The following RHOT1 variants were observed in gnomAD, a reference collection of about 807,000 sequenced individuals.
RHOT1 encodes the protein ras homolog family member T1.
A neutral mutation model predicts 95.3 loss-of-function variants in RHOT1; 27 were observed. The observed-to-expected ratio is 0.28, with a 90% confidence interval of 0.21 to 0.39. The LOEUF (loss-of-function observed/expected upper bound fraction) is 0.39. Among genes scored for constraint, RHOT1 ranks in the 10% least tolerant of loss-of-function variants. The probability of loss-of-function intolerance (pLI) is 1.00; values close to 1 mark genes in which losing one functional copy is unlikely to be tolerated. For missense variants in RHOT1, 578 were observed against 786.7 expected (o/e 0.73, Z 3.17); for synonymous variants, 227 against 263.5 (o/e 0.86, Z 1.34).
chr17:32,147,324 CATGCACCACT>C (rs1447268067), intron 1 of RHOT1, among the ~76,000 whole-genome samples: 1 of 152,076 alleles, frequency 6.6e-6, no homozygotes, highest in African/African-American at 2.4e-5. Context: ...GGATCACAGT[CATGCACCACT>C]ATGCCTGGCC....
chr17:32,200,846 A>G (rs2037262080), intron 13 of RHOT1, 110 bp from the exon 14 acceptor site: 5 of 698,254 alleles, frequency 7.2e-6, no homozygotes, highest in East Asian at 2.7e-5. Context: ...AGTAGTCTAG[A>G]CAAAAATTAT....
At chr17:32,156,287 C>T (rs1279110686) in intron 1 of RHOT1, among the ~76,000 whole-genome samples, 2 of 152,210 alleles carry the variant, frequency 1.3e-5, no homozygotes, top group Admixed American at 6.5e-5. Context: ...GACAGGGTCT[C>T]GCTGTGTCAC....
At chr17:32,164,281 T>G (rs1437597667) in intron 1 of RHOT1, among the ~76,000 whole-genome samples, 2 of 151,994 alleles carry the variant, frequency 1.3e-5, no homozygotes, top group Admixed American at 6.5e-5. Context: ...GTCGCCAGGC[T>G]GGAGTGCAGT....
intron 19 of RHOT1, among the ~76,000 whole-genome samples, chr17:32,217,679 C>T (rs756855230): frequency 2.7e-5 from 4 of 149,992 alleles, no homozygotes; most frequent in Admixed American, 6.6e-5. Context: ...TGCTTGAACC[C>T]GGGAGGCGGA....
At chr17:32,160,337 T>C (rs1598310660) in intron 1 of RHOT1, 2 of 152,304 alleles carry the variant, frequency 1.3e-5, no homozygotes, top group East Asian at 3.9e-4. Flanking sequence ...TCTGAGCTGT[T>C]GTGTCGCTCA....
Position 32,173,797 on chromosome 17 carries a change from GT to G in RHOT1, c.97-23del, listed in dbSNP as rs532691377. 7,987 of 1,053,530 alleles carry G rather than the reference GT, an allele frequency of 7.6e-3. 4 individuals carry two copies. The highest frequency in any genetic ancestry group is 9.9e-3 in the East Asian group (325 of 32,698). 65.3% of individuals were successfully genotyped at this position (1,053,530 alleles called of 1,614,324 possible). ...AGTTTGAGTGATAATATTCAAAGGT[GT>G]TTTTTTTTTTCTATATTTGTTTGTA... is the stretch of plus-strand genomic sequence containing the variant. On this transcript the variant is annotated intron_variant, in intron 2 of 19. Coordinates refer to ENST00000545287, the MANE Select transcript of RHOT1 (RefSeq NM_001033566.3).
rs190733860 is a variant in RHOT1, at chr17:32,147,664, A to G, written c.37+4935A>G. ...GTGAAACCCTGTCCCTACTAAACAT[A>G]CAAAATTTAGCTGGGCATGGTGGCG... is the stretch of plus-strand genomic sequence containing the variant. On this transcript the variant is annotated intron_variant, in intron 1 of 19. Coordinates refer to ENST00000545287, the MANE Select transcript of RHOT1 (RefSeq NM_001033566.3). 4.6e-5 allele frequency among the ~76,000 whole-genome samples: 7 copies of G among 151,988 alleles called. No homozygotes were observed. In the South Asian group the frequency reaches 8.3e-4, roughly 18 times the overall value.
intron 1 of RHOT1, among the ~76,000 whole-genome samples, chr17:32,145,608 A>G (rs1036723898): frequency 1.3e-5 from 2 of 152,056 alleles, no homozygotes; most frequent in Admixed American, 1.3e-4. Flanking sequence ...AGGCAGATTC[A>G]TTTTTATTTT....
At position 32,215,803 on chromosome 17, in the gene RHOT1, T is replaced by A. The variant is rs182979113; in HGVS notation, c.1862+4565T>A. ...TGATGTGTGAGAGTAGTGTTAAACA[T>A]ACATCTATCTCACATGTAATCTTTC... On this transcript the variant is annotated intron_variant, in intron 19 of 19. Transcript: ENST00000545287. Among the ~76,000 whole-genome samples, 3 of 152,328 alleles carry A rather than the reference T, an allele frequency of 2.0e-5. No individual in the cohort carries two copies. In the East Asian group the frequency reaches 5.8e-4, roughly 29 times the overall value.
chr17:32,166,583 T>C (rs2034107836), intron 1 of RHOT1, among the ~76,000 whole-genome samples: 1 of 152,260 alleles, frequency 6.6e-6, no homozygotes, highest in Non-Finnish European at 1.5e-5. Flanking sequence ...ACTGCTGCTT[T>C]ATCAACTAAG....
At chr17:32,176,308 C>T in intron 6 of RHOT1, 95 bp downstream of exon 6, 1 of 971,328 alleles carries the variant, frequency 1.0e-6, no homozygotes, top group Non-Finnish European at 1.6e-6. Context: ...CTAAATCCTT[C>T]ACTTAAATTT....
chr17:32,162,386 C>T (rs571889989), intron 1 of RHOT1, among the ~76,000 whole-genome samples: 2 of 152,312 alleles, frequency 1.3e-5, no homozygotes, highest in South Asian at 4.1e-4. Flanking sequence ...ATATCATTCC[C>T]TCCTTTATAT....
At chr17:32,168,909 A>G (rs941365754) in intron 1 of RHOT1, among the ~76,000 whole-genome samples, 13 of 152,266 alleles carry the variant, frequency 8.5e-5, no homozygotes, top group Admixed American at 5.9e-4. Context: ...ATTGTTAACT[A>G]GATTCTAGCA....
intron 1 of RHOT1, among the ~76,000 whole-genome samples, chr17:32,147,873 C>T (rs2031618031): frequency 6.6e-6 from 1 of 151,584 alleles, no homozygotes; most frequent in Non-Finnish European, 1.5e-5. Context: ...GTGTTTACTA[C>T]CTGGGTAATA....
intron 6 of RHOT1, among the ~76,000 whole-genome samples, chr17:32,178,234 G>A (rs1351633715): frequency 7.8e-6 from 1 of 128,228 alleles, no homozygotes; most frequent in Admixed American, 1.0e-4. Context: ...CTCTCTTGCC[G>A]AGTCTGGACT....
chr17:32,150,222 A>G (rs2032117303), intron 1 of RHOT1, among the ~76,000 whole-genome samples: 1 of 152,202 alleles, frequency 6.6e-6, no homozygotes. Flanking sequence ...CTGATCCTTT[A>G]TTAAAGTAGC....
intron 8 of RHOT1, among the ~76,000 whole-genome samples, chr17:32,186,865 T>G (rs1360037915): frequency 6.6e-6 from 1 of 152,142 alleles, no homozygotes. Context: ...TCTCGCTGAG[T>G]TGCCCAAGGT....
chr17:32,157,419 C>T (rs1024939592), intron 1 of RHOT1, among the ~76,000 whole-genome samples: 4 of 152,072 alleles, frequency 2.6e-5, no homozygotes, highest in African/African-American at 7.2e-5. Flanking sequence ...GTAGCTGGTA[C>T]GAAATGTGAC....
chr17:32,160,965 C>T (rs1180971643), intron 1 of RHOT1, among the ~76,000 whole-genome samples: 2 of 152,172 alleles, frequency 1.3e-5, no homozygotes. Flanking sequence ...TGAAGTGACT[C>T]CCCAACGATC....
Sources: gnomAD v4.1 joint callset for allele counts (sites outside exome capture counted in the v4.1 genomes callset) on GRCh38, gnomAD v4.1.1 for gene constraint, MANE v1.5 for transcripts, NCBI Gene and HGNC (gene_info 2026-07-23, HGNC 2026-07-21) for gene names.